GMPS: variants seen among roughly 807,000 people sequenced by gnomAD.
GMPS encodes GMP synthase [glutamine-hydrolyzing].
In GMPS, 15 loss-of-function variants were observed where a neutral mutation model predicts 77.9. That is an observed-to-expected ratio of 0.19 (90% confidence interval 0.13 to 0.30). The LOEUF (loss-of-function observed/expected upper bound fraction) is 0.30. Among genes scored for constraint, GMPS ranks in the 10% least tolerant of loss-of-function variants. The probability of loss-of-function intolerance (pLI) is 1.00; values close to 1 mark genes in which losing one functional copy is unlikely to be tolerated. For synonymous variants in GMPS, 224 were observed against 275.9 expected (o/e 0.81, Z 1.86); for missense variants, 590 against 838.8 (o/e 0.70, Z 3.66).
At chr3:155,921,800 A>G (rs927500179) in intron 10 of GMPS, among the ~76,000 whole-genome samples, 1 of 152,162 alleles carries the variant, frequency 6.6e-6, no homozygotes, top group African/African-American at 2.4e-5. Context: ...TCTTAAAAAA[A>G]GGGAGATAGG....
intron 14 of GMPS, among the ~76,000 whole-genome samples, chr3:155,935,599 C>T (rs1019240857): frequency 3.9e-5 from 6 of 152,194 alleles, no homozygotes; most frequent in African/African-American, 1.4e-4. Context: ...TAGATGTTCC[C>T]AGCTGAGTTT....
intron 7 of GMPS, among the ~76,000 whole-genome samples, chr3:155,913,523 A>AT (rs5853733): frequency 0.6 from 85,564 of 142,224 alleles, 27,460 homozygotes; most frequent in Non-Finnish European, 0.73. Context: ...ATCAGCATAA[A>AT]TTTTTTTTTT....
At chr3:155,927,814 A>T (rs1755494841) in intron 12 of GMPS, among the ~76,000 whole-genome samples, 1 of 152,180 alleles carries the variant, frequency 6.6e-6, no homozygotes, top group African/African-American at 2.4e-5. Flanking sequence ...TTTTCTTTTA[A>T]CTGAACATCA....
chr3:155,875,162 C>T (rs556027051), intron 1 of GMPS, among the ~76,000 whole-genome samples: 1 of 152,152 alleles, frequency 6.6e-6, no homozygotes, highest in South Asian at 2.1e-4. Context: ...AAGTGAGTCG[C>T]TCACCTTGGC....
chr3:155,936,028 G>A (rs151017679), intron 14 of GMPS, among the ~76,000 whole-genome samples: 2 of 152,190 alleles, frequency 1.3e-5, no homozygotes, highest in African/African-American at 2.4e-5. Context: ...TTCAGTATTC[G>A]CTAATTCGTT....
intron 3 of GMPS, among the ~76,000 whole-genome samples, chr3:155,902,082 A>G (rs1464968505): frequency 6.6e-6 from 1 of 152,168 alleles, no homozygotes; most frequent in East Asian, 1.9e-4. Context: ...GGAGTACTAT[A>G]TGGCTTTCTT....
chr3:155,889,397 C>T (rs745463831), intron 1 of GMPS, among the ~76,000 whole-genome samples: 11 of 152,180 alleles, frequency 7.2e-5, no homozygotes, highest in Non-Finnish European at 1.5e-4. Flanking sequence ...GGGTTCCCTG[C>T]CACTTGTGTA....
In GMPS at chr3:155,941,937, G is replaced by A. The variant is rs76160164; in HGVS notation, c.*4245G>A. On this transcript the variant is annotated 3_prime_UTR_variant, in exon 16 of 16. Transcript: ENST00000496455. ...AACCCTATTTTTATGTACTGAAGAGGCCTCAGTGTCTCACTGAACTCTAAC... is the reference window on the plus strand; with the variant it reads ...AACCCTATTTTTATGTACTGAAGAGACCTCAGTGTCTCACTGAACTCTAAC... 1 of 209,850 alleles carries A rather than the reference G, an allele frequency of 4.8e-6. No individual in the cohort carries two copies. Among genetic ancestry groups the A allele is most frequent in the African/African-American group, 2.3e-5 (1 of 43,994 alleles). The allele number at this position is 209,850 out of a possible 1,614,324, so 13.0% of individuals were successfully genotyped here. A position where few individuals can be genotyped will look rare whatever the true frequency, so the allele number is the denominator to read the frequency against.
rs571675926 is a variant in GMPS at position 155,903,980 on chromosome 3, A to G, written c.422+20A>G. The G allele has an allele frequency of 1.8e-5, 16 of 889,958 alleles. No individual in the cohort carries two copies. The African/African-American group carries it at 2.7e-4, about 15-fold the overall frequency. 55.1% of individuals were successfully genotyped at this position (889,958 alleles called of 1,614,324 possible). On this transcript the variant is annotated intron_variant, in intron 4 of 15. Transcript: ENST00000496455. ...ATTCAGGTATTACATTTTTAGATGAATAAGAACAATAGTAATTAACTAATT... is the reference window on the plus strand; with the variant it reads ...ATTCAGGTATTACATTTTTAGATGAGTAAGAACAATAGTAATTAACTAATT...
At chr3:155,918,989 C>G (rs1755253466) in intron 9 of GMPS, among the ~76,000 whole-genome samples, 1 of 152,098 alleles carries the variant, frequency 6.6e-6, no homozygotes, top group African/African-American at 2.4e-5. Context: ...TTGGTTTACC[C>G]TGATTTATTT....
rs1755117850 is a variant in GMPS at position 155,914,433 on chromosome 3, C to A, written c.901C>A (p.His301Asn). 6.4e-7 allele frequency: 1 copy of A among 1,568,038 alleles called. No individual in the cohort carries two copies. The highest frequency in any genetic ancestry group is 1.2e-5 in the South Asian group (1 of 82,032). ...GIQVKVINAA[H>N]SFYNGTTTLP... ...CTTTCCTCCAGTGATAAATGCTGCT[C>A]ATTCTTTCTACAATGGAACAACAAC... is the stretch of plus-strand genomic sequence containing the variant. The change falls in exon 8 of 16, where the codon CAT becomes AAT. Residue 301 changes from histidine (H) to asparagine (N), a missense_variant. Around this residue, in one of 6 missense-constraint regions of GMPS, gnomAD observed 181 missense variants for 186.8 expected, o/e 0.97. Transcript: ENST00000496455.
chr3:155,913,829 A>G (rs933918090), intron 7 of GMPS, among the ~76,000 whole-genome samples: 2 of 151,336 alleles, frequency 1.3e-5, no homozygotes, highest in African/African-American at 4.9e-5. Flanking sequence ...CCTAATCAGC[A>G]TAATTTGTGA....
At chr3:155,933,312 T>C (rs1755676043) in intron 13 of GMPS, among the ~76,000 whole-genome samples, 1 of 152,326 alleles carries the variant, frequency 6.6e-6, no homozygotes, top group African/African-American at 2.4e-5. Flanking sequence ...TTTCCTAATT[T>C]GGATAAGGGA....
intron 5 of GMPS, among the ~76,000 whole-genome samples, chr3:155,909,496 A>G (rs973948267): frequency 4.6e-5 from 7 of 152,194 alleles, no homozygotes; most frequent in Admixed American, 1.3e-4. Flanking sequence ...CTGTGAAACA[A>G]TCTCTATGTG....
intron 9 of GMPS, among the ~76,000 whole-genome samples, chr3:155,916,635 T>C (rs1047954143): frequency 6.6e-6 from 1 of 152,240 alleles, no homozygotes; most frequent in Non-Finnish European, 1.5e-5. Flanking sequence ...TTCCATCTTA[T>C]GGGTATAATG....
chr3:155,898,280 A>C (rs1754649334), intron 3 of GMPS, among the ~76,000 whole-genome samples: 1 of 152,204 alleles, frequency 6.6e-6, no homozygotes, highest in East Asian at 1.9e-4. Context: ...ATTTAAAAAA[A>C]CCTTGGACAT....
intron 1 of GMPS, among the ~76,000 whole-genome samples, chr3:155,874,812 C>T (rs1210165588): frequency 3.3e-5 from 5 of 150,992 alleles, no homozygotes; most frequent in Non-Finnish European, 7.4e-5. Context: ...AATTACATTC[C>T]AAAGGATGTT....
chr3:155,916,056 C>T lies in GMPS; in HGVS notation c.1076C>T (p.Pro359Leu). 1.2e-6 allele frequency: 2 copies of T among 1,613,280 alleles called. No individual in the cohort carries two copies. Among genetic ancestry groups the T allele is most frequent in the East Asian group, 2.2e-5 (1 of 44,876 alleles). Residue 359 changes from proline (P) to leucine (L), a missense_variant, in exon 9 of 16, where the codon CCA becomes CTA. Around this residue, in one of 6 missense-constraint regions of GMPS, gnomAD observed 181 missense variants for 186.8 expected, o/e 0.97. Transcript: ENST00000496455. ...GTAATTGGAGAAATGAACTTGAAAC[C>T]AGAGGAGGTTTTCCTTGCCCAAGGT... ...NEVIGEMNLK[P>L]EEVFLAQGTL...
intron 2 of GMPS, among the ~76,000 whole-genome samples, chr3:155,893,912 TATC>T (rs1410517585): frequency 2.6e-5 from 4 of 152,224 alleles, no homozygotes; most frequent in African/African-American, 7.2e-5. Flanking sequence ...TAAAAGAACT[TATC>T]ATTTGAGTAT....
Sources: allele counts gnomAD v4.1 joint callset (sites outside exome capture counted in the v4.1 genomes callset), GRCh38; gene constraint gnomAD v4.1.1; regional missense constraint gnomAD v4.1.1; transcripts MANE v1.5; gene names NCBI Gene and HGNC (gene_info 2026-07-23, HGNC 2026-07-21).